DACH1: variants seen among roughly 807,000 people sequenced by gnomAD.
DACH1 encodes dachshund homolog 1.
Under a neutral mutation model 54.2 loss-of-function variants are expected in DACH1, and 12 were observed. The ratio of observed to expected loss-of-function variants is 0.22; its 90% CI spans 0.14 to 0.36. The LOEUF (loss-of-function observed/expected upper bound fraction) is 0.36, where lower values mean the gene tolerates loss of function less well. Among genes scored for constraint, DACH1 ranks in the 10% least tolerant of loss-of-function variants. The pLI is 1.00. For missense variants in DACH1, 805 were observed against 929.8 expected, an observed-to-expected ratio of 0.87 and a Z score of 1.75; for synonymous variants, 386 against 366.2, an observed-to-expected ratio of 1.05 and a Z score of -0.62.
rs398023338 is a variant in DACH1 at position 71,692,506 on chromosome 13, C to CTTTTTTTTT, written c.849-10605_849-10597dup. 4.1e-4 allele frequency among the ~76,000 whole-genome samples: 18 copies of CTTTTTTTTT among 44,438 alleles called. 1 individual carries two copies. Among genetic ancestry groups the CTTTTTTTTT allele is most frequent in the African/African-American group, 1.4e-3 (12 of 8,332 alleles). The allele number at this position is 44,438 out of a possible 152,430, so 29.2% of individuals were successfully genotyped here. A position where few individuals can be genotyped will look rare whatever the true frequency, so the allele number is the denominator to read the frequency against. On this transcript the variant is annotated intron_variant, in intron 1 of 10. Coordinates refer to ENST00000613252, the MANE Select transcript of DACH1 (RefSeq NM_080759.6). ...CCTTTCTTTTTCTTTCTTTTCTTTC[C>CTTTTTTTTT]TTTTTTTTTTTTTTTTTTTTTTTTT...
intron 3 of DACH1, among the ~76,000 whole-genome samples, chr13:71,582,894 G>A (rs575771399): frequency 1.3e-5 from 2 of 152,226 alleles, no homozygotes; most frequent in South Asian, 4.1e-4. Flanking sequence ...CAGCAATACA[G>A]ATAATTTTAT....
chr13:71,558,904 A>G (rs1446051100), intron 5 of DACH1, among the ~76,000 whole-genome samples: 1 of 152,046 alleles, frequency 6.6e-6, no homozygotes, highest in East Asian at 1.9e-4. Context: ...CTTTCTAGAA[A>G]ATGCTTTCCT....
intron 1 of DACH1, among the ~76,000 whole-genome samples, chr13:71,705,955 C>A (rs1205014841): frequency 6.6e-6 from 1 of 151,878 alleles, no homozygotes; most frequent in African/African-American, 2.4e-5. Context: ...TTCTTCTGTA[C>A]CCTTGTACAA....
At chr13:71,554,247 G>C (rs984468130) in intron 6 of DACH1, among the ~76,000 whole-genome samples, 1 of 151,876 alleles carries the variant, frequency 6.6e-6, no homozygotes, top group Non-Finnish European at 1.5e-5. Flanking sequence ...GTACACACAA[G>C]AGAAAAGCAT....
intron 1 of DACH1, among the ~76,000 whole-genome samples, chr13:71,713,059 C>G (rs1410512947): frequency 1.3e-5 from 2 of 151,310 alleles, no homozygotes; most frequent in African/African-American, 4.8e-5. Context: ...AGCAAGGGGT[C>G]ACAAGCCCAA....
rs1878771137 is a variant in DACH1 at position 71,489,036 on chromosome 13, A to G, written c.1683T>C (p.Asp561=). 6.2e-7 allele frequency: 1 copy of G among 1,613,896 alleles called. No homozygotes were observed. The highest frequency in any genetic ancestry group is 8.5e-7 in the Non-Finnish European group (1 of 1,179,848). The change falls in exon 7 of 11, where the codon GAT becomes GAC. Residue 561 remains aspartate (D), a synonymous_variant. Coordinates refer to ENST00000613252, the MANE Select transcript of DACH1 (RefSeq NM_080759.6). ...PGFPSPFLFP[D]GLSSIETLLT... ...GAAGAGTCTCGATGGAAGACAGTCC[A>G]TCAGGAAACAGAAAAGGAGATGGAA...
chr13:71,840,541 T>C (rs762119491), intron 1 of DACH1, among the ~76,000 whole-genome samples: 3 of 152,202 alleles, frequency 2.0e-5, no homozygotes, highest in Admixed American at 1.3e-4. Context: ...TTACAATCCA[T>C]GAAAAATAAC....
chr13:71,809,754 C>T (rs771178684), intron 1 of DACH1, among the ~76,000 whole-genome samples: 1 of 152,024 alleles, frequency 6.6e-6, no homozygotes, highest in Non-Finnish European at 1.5e-5. Context: ...ACTACTGGGC[C>T]TTATAAGTGT....
chr13:71,747,940 T>G (rs1167810171), intron 1 of DACH1, among the ~76,000 whole-genome samples: 1 of 152,138 alleles, frequency 6.6e-6, no homozygotes, highest in African/African-American at 2.4e-5. Context: ...CTTGCCCAGT[T>G]TGTGCATGAA....
rs1566284406 is a variant in DACH1 at position 71,479,284 on chromosome 13, T to G, written c.1755A>C (p.Arg585Ser). ...GLLKVAIDNA[R>S]AQEKQVQLEK... ...CCAGTTGGACCTGTTTCTCTTGAGCTCTGGCATTATCTATGGCAACTTTCA... is the reference window on the plus strand; with the variant it reads ...CCAGTTGGACCTGTTTCTCTTGAGCGCTGGCATTATCTATGGCAACTTTCA... The change falls in exon 8 of 11, where the codon AGA becomes AGC. Residue 585 changes from arginine (R) to serine (S), a missense_variant. Arg to Ser is a moderately radical substitution (Grantham distance 110). This residue lies in a region of DACH1 where 472 missense variants were observed against 545.3 expected (regional missense o/e 0.87). Transcript: ENST00000613252. The G allele has an allele frequency of 6.2e-7, 1 of 1,613,384 alleles. No individual in the cohort carries two copies. Among genetic ancestry groups the G allele is most frequent in the Non-Finnish European group, 8.5e-7 (1 of 1,179,764 alleles).
intron 1 of DACH1, among the ~76,000 whole-genome samples, chr13:71,829,335 G>A (rs995043452): frequency 3.3e-5 from 5 of 151,778 alleles, no homozygotes; most frequent in Admixed American, 2.0e-4. Flanking sequence ...AATTATTTTT[G>A]AAAAATAGAA....
At chr13:71,783,426 CTTAT>C (rs1416292689) in intron 1 of DACH1, among the ~76,000 whole-genome samples, 1 of 152,064 alleles carries the variant, frequency 6.6e-6, no homozygotes, top group African/African-American at 2.4e-5. Context: ...AAGATCCCCG[CTTAT>C]GTTTTCCTAT....
intron 1 of DACH1, among the ~76,000 whole-genome samples, chr13:71,713,825 AAG>A (rs1417161565): frequency 7.9e-5 from 12 of 152,106 alleles, no homozygotes; most frequent in African/African-American, 2.9e-4. Context: ...AAAATTTTAA[AAG>A]AGAATGATCA....
intron 3 of DACH1, among the ~76,000 whole-genome samples, chr13:71,628,344 T>C (rs1030713200): frequency 3.3e-5 from 5 of 152,036 alleles, no homozygotes; most frequent in African/African-American, 1.2e-4. Flanking sequence ...TCAGGAAGGA[T>C]ATTATAAATT....
intron 2 of DACH1, among the ~76,000 whole-genome samples, chr13:71,634,548 C>A (rs560989216): frequency 6.6e-6 from 1 of 152,164 alleles, no homozygotes; most frequent in Admixed American, 6.6e-5. Context: ...CTTGCCTATG[C>A]CTTCTTCATG....
intron 6 of DACH1, among the ~76,000 whole-genome samples, chr13:71,518,960 G>A (rs759547761): frequency 1.1e-4 from 16 of 151,888 alleles, no homozygotes; most frequent in Non-Finnish European, 2.4e-4. Flanking sequence ...TTCAAGATCC[G>A]TAAAGTTTTA....
At chr13:71,840,250 C>T (rs1400141646) in intron 1 of DACH1, among the ~76,000 whole-genome samples, 5 of 152,152 alleles carry the variant, frequency 3.3e-5, no homozygotes, top group African/African-American at 1.2e-4. Flanking sequence ...GCTGGGTCTA[C>T]AGCCTTAATT....
intron 1 of DACH1, among the ~76,000 whole-genome samples, chr13:71,814,223 G>C (rs1366539779): frequency 6.6e-6 from 1 of 152,120 alleles, no homozygotes; most frequent in Admixed American, 6.5e-5. Context: ...AAACTTTCTG[G>C]TTGCTGCCAC....
rs1873754645 is a variant in DACH1 at position 71,438,928 on chromosome 13, A to G, written c.*1727T>C. The G allele has an allele frequency of 6.6e-6, 1 of 152,490 alleles. No homozygotes were observed. The allele number at this position is 152,490 out of a possible 1,614,324, so 9.4% of individuals were successfully genotyped here. The stretch of plus-strand genomic sequence containing the variant: ...AAGCAAGCTAAAATAGGAACTGTAC[A>G]TATAACCTTTTTATGGTATTAAAAA... On this transcript the variant is annotated 3_prime_UTR_variant, in exon 11 of 11. Coordinates refer to ENST00000613252, the MANE Select transcript of DACH1 (RefSeq NM_080759.6).
Sources: allele counts gnomAD v4.1 joint callset (sites outside exome capture counted in the v4.1 genomes callset), GRCh38; gene constraint gnomAD v4.1.1; regional missense constraint gnomAD v4.1.1; transcripts MANE v1.5; gene names NCBI Gene and HGNC (gene_info 2026-07-23, HGNC 2026-07-21).